The following RBFOX1 variants were observed in gnomAD, a reference collection of about 807,000 sequenced individuals.
The protein encoded by RBFOX1 is RNA binding protein fox-1 homolog 1.
A neutral mutation model predicts 57.7 loss-of-function variants in RBFOX1; 8 were observed. The observed-to-expected ratio is 0.14, with a 90% CI of 0.08 to 0.25. The LOEUF (loss-of-function observed/expected upper bound fraction) is 0.25, where lower values mean the gene tolerates loss of function less well. Ranked by LOEUF, RBFOX1 falls within the 10% of genes least tolerant of loss-of-function variation. The pLI is 1.00. For synonymous variants in RBFOX1, 326 were observed against 222.4 expected (o/e 1.47, Z -4.15); for missense variants, 611 against 548.5 (o/e 1.11, Z -1.14).
chr16:7,022,103 C>A (rs982589330), intron 3 of RBFOX1, among the ~76,000 whole-genome samples: 3 of 141,092 alleles, frequency 2.1e-5, no homozygotes, highest in South Asian at 2.5e-4. Flanking sequence ...CACTGTGTCA[C>A]CCAGATTGGA....
rs145899011 is a variant in RBFOX1 at position 6,879,771 on chromosome 16, C to T, written c.-15-172286C>T. 8.7e-4 allele frequency among the ~76,000 whole-genome samples: 133 copies of T among 152,302 alleles called. 1 individual carries two copies. Among genetic ancestry groups the T allele is most frequent in the African/African-American group, 3.2e-3 (131 of 41,580 alleles). On this transcript the variant is annotated intron_variant, in intron 3 of 15. Transcript: ENST00000550418. ...ACAGTGTTCCTGGCTGTTACTAACC[C>T]TTCCTCTGATTTGACATTGGAATGG...
intron 1 of RBFOX1, among the ~76,000 whole-genome samples, chr16:6,229,269 C>T (rs1420783106): frequency 6.6e-6 from 1 of 152,166 alleles, no homozygotes; most frequent in African/African-American, 2.4e-5. Flanking sequence ...ACCTCTTTCT[C>T]CAAGGAAAAT....
chr16:5,390,449 C>T (rs950413004), intron 1 of RBFOX1, among the ~76,000 whole-genome samples: 6 of 151,858 alleles, frequency 4.0e-5, no homozygotes, highest in African/African-American at 9.7e-5. Context: ...CGACTACACT[C>T]GGCTACTTTT....
chr16:5,788,548 G>A (rs994851704), intron 3 of RBFOX1, among the ~76,000 whole-genome samples: 1 of 152,032 alleles, frequency 6.6e-6, no homozygotes, highest in African/African-American at 2.4e-5. Flanking sequence ...AGCATTGCTT[G>A]AACCCGGGAG....
At chr16:7,095,067 A>T (rs2061478473) in intron 4 of RBFOX1, among the ~76,000 whole-genome samples, 1 of 152,076 alleles carries the variant, frequency 6.6e-6, no homozygotes, top group Non-Finnish European at 1.5e-5. Context: ...TATTTTGTTG[A>T]TGATATTAGT....
chr16:5,532,308 C>T (rs1484842452), intron 2 of RBFOX1, among the ~76,000 whole-genome samples: 3 of 152,200 alleles, frequency 2.0e-5, no homozygotes, highest in Non-Finnish European at 4.4e-5. Flanking sequence ...TGGGGAGCAA[C>T]ATCGCCATCA....
intron 1 of RBFOX1, among the ~76,000 whole-genome samples, chr16:6,134,590 G>T (rs2152685178): frequency 6.6e-6 from 1 of 152,194 alleles, no homozygotes; most frequent in South Asian, 2.1e-4. Flanking sequence ...CAGAAGGTAT[G>T]GGCTGGGACA....
In RBFOX1 at chr16:6,467,389, A is replaced by G. The variant is rs868219315; in HGVS notation, c.-64+150332A>G. Among the ~76,000 whole-genome samples the G allele has an allele frequency of 9.3e-4, 141 of 152,186 alleles. 1 individual carries two copies. The highest frequency in any genetic ancestry group is 3.2e-3 in the African/African-American group (133 of 41,554). ...TTAAAATAGTGCTTATTTTTATAGT[A>G]TTGTTATTTTAATAATTATTTATGT... On this transcript the variant is annotated intron_variant, in intron 2 of 15. Coordinates refer to ENST00000550418, the MANE Select transcript of RBFOX1 (RefSeq NM_018723.4).
chr16:6,940,877 GTGTGTGTGTGTGTT>G (rs2078307996), intron 3 of RBFOX1, among the ~76,000 whole-genome samples: 1 of 142,050 alleles, frequency 7.0e-6, no homozygotes, highest in African/African-American at 2.7e-5. Flanking sequence ...GTGTGTGTGT[GTGTGTGTGTGTGTT>G]AGAGATGGGG....
At chr16:6,135,540 G>T (rs182131359) in intron 1 of RBFOX1, among the ~76,000 whole-genome samples, 2 of 152,122 alleles carry the variant, frequency 1.3e-5, no homozygotes, top group South Asian at 4.1e-4. Flanking sequence ...GTGAATATGG[G>T]GGGTATTCAT....
At chr16:7,466,761 A>T (rs1045321613) in intron 4 of RBFOX1, among the ~76,000 whole-genome samples, 5 of 152,210 alleles carry the variant, frequency 3.3e-5, no homozygotes, top group African/African-American at 1.2e-4. Flanking sequence ...GGTGTGTGCA[A>T]TCAAGGGAGT....
At chr16:7,012,633 G>T (rs1474053051) in intron 3 of RBFOX1, among the ~76,000 whole-genome samples, 3 of 152,140 alleles carry the variant, frequency 2.0e-5, no homozygotes, top group Non-Finnish European at 4.4e-5. Flanking sequence ...AGAAAAAAAT[G>T]AGATCCAACA....
At chr16:6,833,395 GA>G (rs2092852474) in intron 3 of RBFOX1, among the ~76,000 whole-genome samples, 1 of 152,020 alleles carries the variant, frequency 6.6e-6, no homozygotes, top group South Asian at 2.1e-4. Flanking sequence ...TCAAACTCCT[GA>G]CCTCAGGTGA....
intron 2 of RBFOX1, among the ~76,000 whole-genome samples, chr16:6,377,220 G>A (rs2091289368): frequency 6.8e-6 from 1 of 147,344 alleles, no homozygotes; most frequent in African/African-American, 2.6e-5. Flanking sequence ...GTTGCAGTGA[G>A]CCAAGGTCAT....
intron 3 of RBFOX1, among the ~76,000 whole-genome samples, chr16:6,884,720 A>G (rs908287988): frequency 6.6e-6 from 1 of 152,136 alleles, no homozygotes; most frequent in African/African-American, 2.4e-5. Flanking sequence ...CAACATGACG[A>G]AACCCCATCT....
intron 3 of RBFOX1, among the ~76,000 whole-genome samples, chr16:6,877,082 C>T (rs1263375471): frequency 6.6e-6 from 1 of 152,174 alleles, no homozygotes; most frequent in Non-Finnish European, 1.5e-5. Context: ...TGGCCATTTA[C>T]TGGTGCTTAA....
intron 3 of RBFOX1, among the ~76,000 whole-genome samples, chr16:6,791,156 C>G (rs547294989): frequency 4.9e-4 from 75 of 152,216 alleles, no homozygotes; most frequent in African/African-American, 1.8e-3. Context: ...ATCCTCCCGC[C>G]TCAGCCTCCC....
chr16:6,745,446 T>G (rs2073360850), intron 3 of RBFOX1, among the ~76,000 whole-genome samples: 1 of 152,152 alleles, frequency 6.6e-6, no homozygotes. Context: ...AAAAGGATAC[T>G]ATATCAAGAA....
At chr16:6,791,276 A>C (rs948848612) in intron 3 of RBFOX1, among the ~76,000 whole-genome samples, 5 of 152,198 alleles carry the variant, frequency 3.3e-5, no homozygotes, top group Non-Finnish European at 5.9e-5. Context: ...ACTCAGCTGC[A>C]TGGAAATTGC....
Sources: gnomAD v4.1 joint callset for allele counts (sites outside exome capture counted in the v4.1 genomes callset) on GRCh38, gnomAD v4.1.1 for gene constraint, MANE v1.5 for transcripts, NCBI Gene and HGNC (gene_info 2026-07-23, HGNC 2026-07-21) for gene names.